Variants in BICD1 observed in about 807,000 individuals in gnomAD.
The protein encoded by BICD1 is BICD cargo adaptor 1.
BICD1 carries 35 observed loss-of-function variants against 92.5 expected under a neutral mutation model. The observed-to-expected ratio is 0.38, with a 90% confidence interval of 0.29 to 0.50. The LOEUF is 0.50. Ranked by LOEUF, BICD1 falls within the 20% of genes least tolerant of loss-of-function variation. BICD1 has a pLI of 0.93. For synonymous variants in BICD1, 429 were observed against 465.1 expected, an observed-to-expected ratio of 0.92 and a Z score of 1.00; for missense variants, 950 against 1,189.8, an observed-to-expected ratio of 0.80 and a Z score of 2.97.
intron 9 of BICD1, among the ~76,000 whole-genome samples, chr12:32,375,741 C>A (rs1939929974): frequency 6.6e-6 from 1 of 152,050 alleles, no homozygotes; most frequent in African/African-American, 2.4e-5. Flanking sequence ...TCAAGCCAGT[C>A]AGATATTTTC....
At chr12:32,310,380 C>T (rs751631257) in intron 4 of BICD1, among the ~76,000 whole-genome samples, 1 of 152,166 alleles carries the variant, frequency 6.6e-6, no homozygotes, top group Non-Finnish European at 1.5e-5. Flanking sequence ...CGGTCAAATC[C>T]TACCTGCCTT....
At chr12:32,326,031 C>G (rs1171193537) in intron 4 of BICD1, among the ~76,000 whole-genome samples, 1 of 126,540 alleles carries the variant, frequency 7.9e-6, no homozygotes, top group Non-Finnish European at 1.5e-5. Flanking sequence ...TGCAGTGAGC[C>G]GAGATCGCGC....
Position 32,306,117 on chromosome 12 carries a change from A to T in BICD1, c.1000A>T (p.Met334Leu), listed in dbSNP as rs375989586. 6.3e-7 allele frequency: 1 copy of T among 1,593,370 alleles called. No individual in the cohort carries two copies. Among genetic ancestry groups the T allele is most frequent in the Admixed American group, 1.8e-5 (1 of 56,294 alleles). Residue 334 changes from methionine (M) to leucine (L), a missense_variant, in exon 4 of 10, where the codon ATG becomes TTG. Transcript: ENST00000652176. ...SEIQKLKQQL[M>L]QVEREKAILL... ...AATACAGAAGTTGAAGCAGCAGCTT[A>T]TGCAGGTAAGAACTTTGTTTAGGGC...
intron 3 of BICD1, among the ~76,000 whole-genome samples, chr12:32,296,716 CAGCCTCCCTGGAG>C (rs1364337539): frequency 3.3e-5 from 5 of 152,164 alleles, no homozygotes; most frequent in Non-Finnish European, 7.3e-5. Context: ...GCACGATCAG[CAGCCTCCCTGGAG>C]AGCCTTCCCT....
intron 2 of BICD1, among the ~76,000 whole-genome samples, chr12:32,220,564 G>C (rs2121563540): frequency 6.6e-6 from 1 of 151,146 alleles, no homozygotes; most frequent in Non-Finnish European, 1.5e-5. Context: ...ACACCAATTA[G>C]AATGGCAATC....
At chr12:32,123,670 A>G (rs1437323524) in intron 1 of BICD1, among the ~76,000 whole-genome samples, 1 of 152,232 alleles carries the variant, frequency 6.6e-6, no homozygotes, top group African/African-American at 2.4e-5. Flanking sequence ...TGAGGTCAGG[A>G]GTTCAAGACC....
chr12:32,174,865 T>G (rs959063358), intron 1 of BICD1, among the ~76,000 whole-genome samples: 1 of 152,242 alleles, frequency 6.6e-6, no homozygotes, highest in Non-Finnish European at 1.5e-5. Flanking sequence ...GGAGTGAATC[T>G]TCTGATTCAC....
chr12:32,374,979 C>T lies in BICD1; in HGVS notation c.2841-2561C>T, dbSNP rs1248432259. On this transcript the variant is annotated intron_variant, in intron 9 of 9. Transcript: ENST00000652176. ...TGTCGTCCAGGCTGGAGTGCAATGG[C>T]GCGATCTCGGCTCACTGCAAGCTCC... Among the ~76,000 whole-genome samples, 539 of 95,772 alleles carry T rather than the reference C, an allele frequency of 5.6e-3. 5 individuals are homozygous for T. Among genetic ancestry groups the T allele is most frequent in the African/African-American group, 0.022 (507 of 23,252 alleles). The allele number at this position is 95,772 out of a possible 152,430, so 62.8% of individuals were successfully genotyped here.
In BICD1 at chr12:32,337,962, G is replaced by T; in HGVS notation, c.2570+146G>T. 1.2e-6 allele frequency: 1 copy of T among 846,214 alleles called. No individual in the cohort carries two copies. Among genetic ancestry groups the T allele is most frequent in the South Asian group, 1.8e-5 (1 of 55,976 alleles). 52.4% of individuals were successfully genotyped at this position (846,214 alleles called of 1,614,324 possible). A position where few individuals can be genotyped will look rare whatever the true frequency, so the allele number is the denominator to read the frequency against. The stretch of plus-strand genomic sequence containing the variant: ...GCATATAAATGGTCTTGCTAATGTG[G>T]GTCTTTCCAGATCAAAACCTTTTTG... On this transcript the variant is annotated intron_variant, in intron 7 of 9. Transcript: ENST00000652176. This position sits in a 1 kb window ranked among gnomAD's most constrained non-coding sequence, Gnocchi z 4.7.
chr12:32,142,328 C>G (rs1046748416), intron 1 of BICD1, among the ~76,000 whole-genome samples: 4 of 142,882 alleles, frequency 2.8e-5, no homozygotes, highest in African/African-American at 1.0e-4. Flanking sequence ...ATCGCTTGAA[C>G]CTGGGAGGCA....
intron 1 of BICD1, among the ~76,000 whole-genome samples, chr12:32,198,413 G>A (rs1012983716): frequency 6.8e-6 from 1 of 146,566 alleles, no homozygotes; most frequent in Non-Finnish European, 1.5e-5. Context: ...CAGAGTTAAG[G>A]TCAGGGTCAG....
At chr12:32,334,315 C>A (rs1938009238) in intron 5 of BICD1, among the ~76,000 whole-genome samples, 1 of 152,142 alleles carries the variant, frequency 6.6e-6, no homozygotes. Context: ...GCAATTTAAC[C>A]ACATTATGAA....
chr12:32,308,477 C>G (rs984834655), intron 4 of BICD1, among the ~76,000 whole-genome samples: 1 of 152,172 alleles, frequency 6.6e-6, no homozygotes, highest in Non-Finnish European at 1.5e-5. Flanking sequence ...GTGCTGAGAA[C>G]AGGGACTAGT....
chr12:32,314,761 G>GT (rs57360088), intron 4 of BICD1, among the ~76,000 whole-genome samples: 140 of 146,970 alleles, frequency 9.5e-4, no homozygotes, highest in Non-Finnish European at 1.1e-3. Flanking sequence ...GTACAAAGGA[G>GT]TTTTTTTTTT....
At chr12:32,255,458 G>T (rs1018616250) in intron 2 of BICD1, among the ~76,000 whole-genome samples, 1 of 152,146 alleles carries the variant, frequency 6.6e-6, no homozygotes, top group Non-Finnish European at 1.5e-5. Context: ...GGTAGTAGAG[G>T]CATACTGCTA....
chr12:32,358,520 C>T (rs1411927489), intron 8 of BICD1, among the ~76,000 whole-genome samples: 1 of 151,900 alleles, frequency 6.6e-6, no homozygotes, highest in Admixed American at 6.6e-5. Context: ...AGGCGGATCA[C>T]GAGGTCAAGA....
intron 1 of BICD1, among the ~76,000 whole-genome samples, chr12:32,122,316 C>T (rs764340119): frequency 2.6e-5 from 4 of 151,714 alleles, no homozygotes; most frequent in Admixed American, 6.6e-5. Context: ...GTGAAACCCC[C>T]GTCTCTATGA....
intron 1 of BICD1, among the ~76,000 whole-genome samples, chr12:32,123,516 G>A (rs1942225929): frequency 6.6e-6 from 1 of 152,234 alleles, no homozygotes; most frequent in Admixed American, 6.5e-5. Context: ...CATAGCAGGT[G>A]TTTAATAGGT....
At chr12:32,245,680 G>A (rs74588810) in intron 2 of BICD1, among the ~76,000 whole-genome samples, 1,982 of 152,052 alleles carry the variant, frequency 0.013, 43 homozygotes, top group African/African-American at 0.045. Context: ...ATTAAATGAG[G>A]TAATGCAAAG....
Sources: allele counts gnomAD v4.1 joint callset (sites outside exome capture counted in the v4.1 genomes callset), GRCh38; gene constraint gnomAD v4.1.1; non-coding constraint Gnocchi (gnomAD v3.1); transcripts MANE v1.5; gene names NCBI Gene and HGNC (gene_info 2026-07-23, HGNC 2026-07-21).